PODXL2: variants seen among roughly 807,000 people sequenced by gnomAD.
The protein encoded by PODXL2 is podocalyxin-like protein 2.
A neutral mutation model predicts 53.4 loss-of-function variants in PODXL2; 17 were observed. The observed-to-expected ratio is 0.32, with a 90% CI of 0.22 to 0.48. The LOEUF (loss-of-function observed/expected upper bound fraction) is 0.48, where lower values mean the gene tolerates loss of function less well. Ranked by LOEUF, PODXL2 falls within the 20% of genes least tolerant of loss-of-function variation. The pLI is 0.99. For synonymous variants in PODXL2, 311 were observed against 306.7 expected (o/e 1.01, Z -0.15); for missense variants, 673 against 760.0 (o/e 0.89, Z 1.35).
In PODXL2 at chr3:127,671,564, G is replaced by T. The variant is rs756531856; in HGVS notation, c.1556G>T (p.Gly519Val). The T allele has an allele frequency of 2.5e-6, 4 of 1,613,976 alleles. No individual in the cohort carries two copies. The African/African-American group carries it at 4.0e-5, about 16-fold the overall frequency. ...ATCTGCATCATCATCATTGCGCTTG[G>T]CCTGCTCTACAACTGCTGGCAGCGC... Reference protein sequence around the residue: ...GAICIIIIALGLLYNCWQRRL... With the variant: ...GAICIIIIALVLLYNCWQRRL... The change falls in exon 7 of 8, where the codon GGC (glycine) becomes GTC (valine). Residue 519 changes from glycine to valine, a missense_variant. Gly to Val is a moderately radical substitution (Grantham distance 109). Transcript: ENST00000342480.
At chr3:127,651,784 G>C (rs1379879867) in intron 2 of PODXL2, among the ~76,000 whole-genome samples, 1 of 152,216 alleles carries the variant, frequency 6.6e-6, no homozygotes, top group Non-Finnish European at 1.5e-5. Context: ...TCTGTGGGCT[G>C]GGTGTTTTGC....
intron 1 of PODXL2, among the ~76,000 whole-genome samples, chr3:127,635,322 C>G (rs2074570970): frequency 6.6e-6 from 1 of 152,202 alleles, no homozygotes; most frequent in South Asian, 2.1e-4. Context: ...TGTTTTCTTG[C>G]TGGTCTCTGT....
chr3:127,669,210 T>C lies in PODXL2; in HGVS notation c.1425+8T>C, dbSNP rs1233762424. On this transcript the variant is annotated splice_region_variant and intron_variant, in intron 6 of 7. Coordinates refer to ENST00000342480, the MANE Select transcript of PODXL2 (RefSeq NM_015720.4). The stretch of plus-strand genomic sequence containing the variant: ...CGCAGGAGCCTGGAGGAGGTAAGAG[T>C]GCAGGGACCTGGACCTGTTAGCTTC... The C allele has an allele frequency of 3.8e-6, 6 of 1,595,266 alleles. No homozygotes were observed. The highest frequency in any genetic ancestry group is 5.1e-6 in the Non-Finnish European group (6 of 1,167,044).
At chr3:127,657,862 A>G (rs4974412) in intron 2 of PODXL2, among the ~76,000 whole-genome samples, 47,286 of 152,132 alleles carry the variant, frequency 0.31, 8,363 homozygotes, top group Middle Eastern at 0.48. Context: ...GGTAAAATAT[A>G]TTTATTCTTC....
intron 2 of PODXL2, among the ~76,000 whole-genome samples, chr3:127,657,113 C>G (rs1434393631): frequency 6.6e-6 from 1 of 152,228 alleles, no homozygotes; most frequent in Non-Finnish European, 1.5e-5. Flanking sequence ...AAGTTAGTGG[C>G]TGAGTCCCAG....
At chr3:127,661,285 T>A (rs939702560) in intron 3 of PODXL2, 126 bp downstream of exon 3, 7 of 678,472 alleles carry the variant, frequency 1.0e-5, no homozygotes, top group Non-Finnish European at 1.7e-5. Flanking sequence ...CCACAGCACG[T>A]AGAACCCCAT....
rs1009710945 is a variant in PODXL2, at chr3:127,660,430, C to T, written c.402C>T (p.Ser134=). 6.2e-7 allele frequency: 1 copy of T among 1,614,086 alleles called. No homozygotes were observed. Among genetic ancestry groups the T allele is most frequent in the African/African-American group, 1.3e-5 (1 of 75,048 alleles). Residue 134 remains serine (S), a synonymous_variant, in exon 3 of 8, where the codon AGC becomes AGT. Coordinates refer to ENST00000342480, the MANE Select transcript of PODXL2 (RefSeq NM_015720.4). Reference sequence around the variant, plus strand: ...AGGCAGGTTCCATTGAAGACACCAGCCAGGCTCAAGAGCTGCCAAACCTCC... The same window carrying T: ...AGGCAGGTTCCATTGAAGACACCAGTCAGGCTCAAGAGCTGCCAAACCTCC... The part of the protein sequence containing the change: ...TEKAGSIEDT[S]QAQELPNLPS...
At position 127,660,807 on chromosome 3, in the gene PODXL2, C is replaced by T; in HGVS notation, c.779C>T (p.Ser260Phe). The T allele has an allele frequency of 1.2e-6, 2 of 1,614,236 alleles. No homozygotes were observed. Among genetic ancestry groups the T allele is most frequent in the Non-Finnish European group, 1.7e-6 (2 of 1,180,026 alleles). ...ACAGTGACTCCGGGGGACCAGGACT[C>T]CACCAGCCAAGAGGCAGAGGCCACA... ...PTTVTPGDQD[S>F]TSQEAEATVL... The change falls in exon 3 of 8, where the codon TCC becomes TTC. Residue 260 changes from serine (S) to phenylalanine (F), a missense_variant. Ser to Phe is a radical substitution (Grantham distance 155, BLOSUM62 -2). Coordinates refer to ENST00000342480, the MANE Select transcript of PODXL2 (RefSeq NM_015720.4).
At chr3:127,639,197 G>T (rs1292213582) in intron 1 of PODXL2, 48 bp from the exon 2 acceptor site, 25 of 1,523,562 alleles carry the variant, frequency 1.6e-5, no homozygotes, top group Non-Finnish European at 2.1e-5. Context: ...CACCAGTCTT[G>T]TGTCTTCTCT....
intron 2 of PODXL2, among the ~76,000 whole-genome samples, chr3:127,641,126 G>A (rs2074616446): frequency 6.6e-6 from 1 of 152,054 alleles, no homozygotes; most frequent in Admixed American, 6.6e-5. Context: ...TGGCCAGGCT[G>A]GTCTCTAACT....
In PODXL2 at chr3:127,668,530, G is replaced by A; in HGVS notation, c.1296G>A (p.Trp432Ter). ...ATGGCAGTGGCCACCATGGGGCCTG[G>A]CACATCTCTCTGAGCAAGCCCAGCG... ...PRHGSGHHGA[W>*]HISLSKPSEK... The change falls in exon 5 of 8, where the codon TGG becomes TGA. Residue 432 changes from tryptophan to a stop codon, truncating the protein, a stop_gained. Transcript: ENST00000342480. LOFTEE classifies it high-confidence loss of function. The A allele has an allele frequency of 1.3e-6, 2 of 1,581,362 alleles. No individual in the cohort carries two copies. Among genetic ancestry groups the A allele is most frequent in the East Asian group, 2.3e-5 (1 of 43,284 alleles).
intron 2 of PODXL2, among the ~76,000 whole-genome samples, chr3:127,656,913 GC>G (rs2074728434): frequency 6.6e-6 from 1 of 151,488 alleles, no homozygotes; most frequent in Admixed American, 6.6e-5. Context: ...GGGTGTAGTG[GC>G]CCTGTGGTCC....
intron 2 of PODXL2, among the ~76,000 whole-genome samples, chr3:127,650,418 A>T (rs938403264): frequency 1.3e-5 from 2 of 152,196 alleles, no homozygotes; most frequent in Non-Finnish European, 2.9e-5. Flanking sequence ...CATCAGGGTG[A>T]GCTGGAGCTG....
chr3:127,641,738 A>G (rs1262442973), intron 2 of PODXL2, among the ~76,000 whole-genome samples: 1 of 150,088 alleles, frequency 6.7e-6, no homozygotes, highest in Non-Finnish European at 1.5e-5. Context: ...CTAGTCTCGA[A>G]CTCCTGACCT....
intron 5 of PODXL2, 78 bp downstream of exon 5, chr3:127,668,675 T>G (rs1488419118): frequency 2.2e-6 from 3 of 1,334,938 alleles, no homozygotes; most frequent in Non-Finnish European, 3.0e-6. Flanking sequence ...GGGAAAAAAG[T>G]GCACGCATAA....
intron 1 of PODXL2, among the ~76,000 whole-genome samples, chr3:127,630,018 G>C (rs1170188815): frequency 6.6e-6 from 1 of 152,182 alleles, no homozygotes; most frequent in African/African-American, 2.4e-5. Flanking sequence ...TGCGTGGCGG[G>C]CTGGGGGTGT....
At chr3:127,653,432 G>T (rs947264125) in intron 2 of PODXL2, among the ~76,000 whole-genome samples, 2 of 152,194 alleles carry the variant, frequency 1.3e-5, no homozygotes, top group African/African-American at 4.8e-5. Flanking sequence ...AGATCACGAG[G>T]TCAAGAGATC....
chr3:127,645,040 A>G (rs562126725), intron 2 of PODXL2, among the ~76,000 whole-genome samples: 1 of 152,302 alleles, frequency 6.6e-6, no homozygotes, highest in African/African-American at 2.4e-5. Context: ...AAACTAGCAA[A>G]CAAACCCCTT....
intron 1 of PODXL2, among the ~76,000 whole-genome samples, chr3:127,631,011 G>T (rs892963143): frequency 5.3e-5 from 8 of 152,186 alleles, no homozygotes; most frequent in African/African-American, 1.9e-4. Flanking sequence ...CCTCTCTCCC[G>T]TGCATGCTCT....
Sources: gnomAD v4.1 joint callset for allele counts (sites outside exome capture counted in the v4.1 genomes callset) on GRCh38, gnomAD v4.1.1 for gene constraint, MANE v1.5 for transcripts, NCBI Gene and HGNC (gene_info 2026-07-23, HGNC 2026-07-21) for gene names.